Variants in GSN observed in about 807,000 individuals in gnomAD.
The protein encoded by GSN is gelsolin, also known as actin-depolymerizing factor.
GSN carries 56 observed loss-of-function variants against 85.7 expected under a neutral mutation model. The observed-to-expected ratio is 0.65, with a 90% CI of 0.53 to 0.82. The LOEUF (loss-of-function observed/expected upper bound fraction) is 0.82, where lower values mean the gene tolerates loss of function less well. Among genes scored for constraint, GSN ranks in the 40% least tolerant of loss-of-function variants. The pLI, the probability that GSN is intolerant of heterozygous loss-of-function variation, is 0.00. For missense variants in GSN, 857 were observed against 979.8 expected (o/e 0.87, Z 1.67); for synonymous variants, 373 against 399.1 (o/e 0.93, Z 0.78).
At chr9:121,237,736 G>A (rs2054524056) in intron 5 of GSN, among the ~76,000 whole-genome samples, 1 of 152,134 alleles carries the variant, frequency 6.6e-6, no homozygotes, top group Non-Finnish European at 1.5e-5. Flanking sequence ...AGAGACCAAA[G>A]CATTATAACT....
At chr9:121,327,512 G>T (rs768422193) in intron 14 of GSN, 30 bp downstream of exon 14, 87 of 1,526,412 alleles carry the variant, frequency 5.7e-5, no homozygotes, top group Non-Finnish European at 7.3e-5. Flanking sequence ...GCCTGCTGCT[G>T]TCCGGATGCA....
rs1240615227 is a variant in GSN, at chr9:121,279,621, G to C, written c.-102-1849G>C. Among the ~76,000 whole-genome samples the C allele has an allele frequency of 4.6e-5, 7 of 152,072 alleles. No homozygotes were observed. The East Asian group carries it at 9.7e-4, about 21-fold the overall frequency. On this transcript the variant is annotated intron_variant, in intron 1 of 17. Transcript: ENST00000432226. ...CCTGGTGTCTGGACTGGTCCACCGG[G>C]TGGATGGTGGATGGTGGATGGTAGT...
chr9:121,290,277 G>A (rs759877009), intron 2 of GSN, among the ~76,000 whole-genome samples: 4 of 152,166 alleles, frequency 2.6e-5, no homozygotes, highest in African/African-American at 4.8e-5. Flanking sequence ...GCCCAGCTTC[G>A]TGCCAGGGAC....
intron 3 of GSN, chr9:121,210,636 C>T (rs1412862074): frequency 6.6e-6 from 1 of 152,132 alleles, no homozygotes; most frequent in East Asian, 1.9e-4. Context: ...CAGAGAAGGG[C>T]TAGGAATGCA....
rs1232582807 is a variant in GSN, at chr9:121,324,664, T to C, written c.1416+20T>C. On this transcript the variant is annotated intron_variant, in intron 12 of 17. Transcript: ENST00000432226. ...GTCCAGGTGAGCCCAGCCCACCGCC[T>C]CTCTGGGCTGCAGCCTGAGCCTTGT... The C allele has an allele frequency of 8.1e-7, 1 of 1,241,236 alleles. No individual in the cohort carries two copies. The highest frequency in any genetic ancestry group is 1.2e-6 in the Non-Finnish European group (1 of 868,330). 76.9% of individuals were successfully genotyped at this position (1,241,236 alleles called of 1,614,324 possible).
At chr9:121,284,670 G>A (rs1318540181) in intron 2 of GSN, 1 of 167,288 alleles carries the variant, frequency 6.0e-6, no homozygotes, top group Non-Finnish European at 1.5e-5. Flanking sequence ...TAGTGAGCAG[G>A]AGTGTGAGGG....
At chr9:121,260,889 G>A (rs531887968) in intron 6 of GSN, among the ~76,000 whole-genome samples, 15 of 152,306 alleles carry the variant, frequency 9.8e-5, no homozygotes, top group African/African-American at 3.6e-4. Context: ...AAGTGGAAGG[G>A]GAGGAGGAGA....
intron 1 of GSN, among the ~76,000 whole-genome samples, chr9:121,273,693 CGTAA>C (rs2056301590): frequency 6.6e-6 from 1 of 151,738 alleles, no homozygotes. Flanking sequence ...AACATTATAT[CGTAA>C]GTATTTTTCT....
At chr9:121,256,279 A>G (rs1444214334) in intron 6 of GSN, among the ~76,000 whole-genome samples, 1 of 152,204 alleles carries the variant, frequency 6.6e-6, no homozygotes, top group Non-Finnish European at 1.5e-5. Flanking sequence ...ACCTTGCAGA[A>G]ATTACCTATA....
intron 4 of GSN, among the ~76,000 whole-genome samples, chr9:121,229,046 A>G (rs1371100845): frequency 6.6e-6 from 1 of 152,196 alleles, no homozygotes; most frequent in African/African-American, 2.4e-5. Context: ...AGTAGTGTCT[A>G]AGAGCAGACC....
chr9:121,277,448 A>T (rs184185495), intron 1 of GSN, among the ~76,000 whole-genome samples: 251 of 152,318 alleles, frequency 1.6e-3, no homozygotes, highest in African/African-American at 5.6e-3. Context: ...CAGTTGCAAG[A>T]TTTGAAAACA....
intron 2 of GSN, chr9:121,282,000 C>T (rs770042506): frequency 1.7e-5 from 8 of 473,564 alleles, no homozygotes; most frequent in South Asian, 1.1e-4. Flanking sequence ...ACTTGTTGAC[C>T]AGAGGAGGAG....
chr9:121,299,848 C>A lies in GSN; in HGVS notation c.-9-2115C>A. 7.4e-7 allele frequency: 1 copy of A among 1,353,244 alleles called. No individual in the cohort carries two copies. Among genetic ancestry groups the A allele is most frequent in the Admixed American group, 2.8e-5 (1 of 35,402 alleles). The allele number at this position is 1,353,244 out of a possible 1,614,324, so 83.8% of individuals were successfully genotyped here. A position where few individuals can be genotyped will look rare whatever the true frequency, so the allele number is the denominator to read the frequency against. On this transcript the variant is annotated intron_variant, in intron 2 of 17. Transcript: ENST00000432226. This position sits in a 1 kb window ranked among gnomAD's most constrained non-coding sequence, Gnocchi z 4.2. ...CCGCGGCTGCCGACTGGGTCCCCTG[C>A]CGCTGTCGCCACCATGGCTCCGCAC...
intron 6 of GSN, among the ~76,000 whole-genome samples, chr9:121,254,728 CTAA>C (rs1484781023): frequency 6.6e-6 from 1 of 152,124 alleles, no homozygotes; most frequent in African/African-American, 2.4e-5. Context: ...CGTTTTATTT[CTAA>C]TGTTATTATT....
At chr9:121,212,908 C>G (rs139395604) in intron 4 of GSN, among the ~76,000 whole-genome samples, 7,014 of 152,174 alleles carry the variant, frequency 0.046, 375 homozygotes, top group East Asian at 0.15. Context: ...CTCGGCCTCC[C>G]AAAGTGCTGG....
chr9:121,225,458 C>T (rs1040143641), intron 4 of GSN, among the ~76,000 whole-genome samples: 1 of 152,186 alleles, frequency 6.6e-6, no homozygotes. Context: ...TTTTCATCAG[C>T]CTAGGCACGG....
At chr9:121,296,406 C>T (rs961074514) in intron 2 of GSN, among the ~76,000 whole-genome samples, 1 of 152,178 alleles carries the variant, frequency 6.6e-6, no homozygotes, top group African/African-American at 2.4e-5. Flanking sequence ...CTGTCTGATC[C>T]AGAACGGCCT....
chr9:121,277,024 C>T (rs1316497842), intron 1 of GSN, among the ~76,000 whole-genome samples: 1 of 152,168 alleles, frequency 6.6e-6, no homozygotes, highest in Non-Finnish European at 1.5e-5. Flanking sequence ...AGTCATTTCT[C>T]TCTCTAACCT....
intron 13 of GSN, 77 bp downstream of exon 13, chr9:121,326,759 A>G (rs1489084251): frequency 1.6e-6 from 2 of 1,258,206 alleles, no homozygotes; most frequent in Admixed American, 1.7e-5. Flanking sequence ...ATCTCCAGGC[A>G]CAGGAACGGG....
Sources: gnomAD v4.1 joint callset for allele counts (sites outside exome capture counted in the v4.1 genomes callset) on GRCh38, gnomAD v4.1.1 for gene constraint, Gnocchi (gnomAD v3.1) non-coding constraint, MANE v1.5 for transcripts, NCBI Gene and HGNC (gene_info 2026-07-23, HGNC 2026-07-21) for gene names.